Variants in BCCIP observed in about 807,000 individuals in gnomAD.
BCCIP encodes the protein BRCA2 and CDKN1A-interacting protein.
Under a neutral mutation model 32.8 loss-of-function variants are expected in BCCIP, and 23 were observed. The observed-to-expected ratio is 0.70, with a 90% confidence interval of 0.51 to 0.99. The LOEUF (loss-of-function observed/expected upper bound fraction) is 0.99. Among genes scored for constraint, BCCIP ranks in the 50% least tolerant of loss-of-function variants. BCCIP has a pLI of 0.00. For synonymous variants in BCCIP, 144 were observed against 137.6 expected, an observed-to-expected ratio of 1.05 and a Z score of -0.33; for missense variants, 378 against 379.8, an observed-to-expected ratio of 1.00 and a Z score of 0.04.
intron 3 of BCCIP, 60 bp downstream of exon 3, chr10:125,827,698 G>C: frequency 7.7e-7 from 1 of 1,296,074 alleles, no homozygotes; most frequent in Admixed American, 1.8e-5. Flanking sequence ...TTCATGCTGG[G>C]CCTCACCATG....
chr10:125,841,957 A>C (rs1414859204), exon 7 of BCCIP: 1 of 1,564,528 alleles, frequency 6.4e-7, no homozygotes, highest in Non-Finnish European at 8.6e-7. Context: ...AAAAATAATA[A>C]TTTAAGAGTC....
At chr10:125,834,834 A>AAAAC (rs1554894003) in intron 6 of BCCIP, among the ~76,000 whole-genome samples, 2,770 of 148,340 alleles carry the variant, frequency 0.019, 36 homozygotes, top group South Asian at 0.033. Flanking sequence ...ACAAACAAAA[A>AAAAC]ACACAAAAAC....
downstream of BCCIP, among the ~76,000 whole-genome samples, chr10:125,845,744 A>C (rs1313981692): frequency 2.0e-5 from 3 of 152,226 alleles, no homozygotes; most frequent in Non-Finnish European, 4.4e-5. Flanking sequence ...GGGAGCCAAG[A>C]TCCTTCTGTC....
intron 4 of BCCIP, 111 bp downstream of exon 4, chr10:125,830,762 A>T (rs1854503078): frequency 2.9e-6 from 2 of 684,260 alleles, no homozygotes; most frequent in East Asian, 5.2e-5. Flanking sequence ...AACTATAGGG[A>T]TAAGTGCTCT....
intron 6 of BCCIP, among the ~76,000 whole-genome samples, chr10:125,834,829 C>CAA (rs3034779): frequency 6.7e-6 from 1 of 149,102 alleles, no homozygotes; most frequent in Non-Finnish European, 1.5e-5. Flanking sequence ...AACAAACAAA[C>CAA]AAAAAACACA....
chr10:125,826,487 G>A lies in BCCIP; in HGVS notation c.166-104G>A, dbSNP rs1854391314. 9 of 1,519,964 alleles carry A rather than the reference G, an allele frequency of 5.9e-6. No homozygotes were observed. In the East Asian group the frequency reaches 1.9e-4, roughly 32 times the overall value. 94.2% of individuals were successfully genotyped at this position (1,519,964 alleles called of 1,614,324 possible). On this transcript the variant is annotated intron_variant, in intron 1 of 6. Coordinates refer to ENST00000278100, the MANE Select transcript of BCCIP (RefSeq NM_078468.3). ...TCACCTGAAGAAATAGTGTGAAGGT[G>A]CTTTGTATTCTTCACAGATGGCAAT...
chr10:125,852,003 G>A (rs572509920), intron 7 of BCCIP, among the ~76,000 whole-genome samples: 2 of 150,962 alleles, frequency 1.3e-5, no homozygotes, highest in East Asian at 1.9e-4. Flanking sequence ...TCACCCTTAC[G>A]CTTCCATACT....
chr10:125,836,889 G>T, downstream of BCCIP: 2 of 1,596,516 alleles, frequency 1.3e-6, no homozygotes, highest in Admixed American at 3.4e-5. Context: ...GAGATTATGA[G>T]TGGGGAAGGT....
chr10:125,850,265 A>ACCATGC (rs148995495), intron 7 of BCCIP, among the ~76,000 whole-genome samples: 2,876 of 151,386 alleles, frequency 0.019, 87 homozygotes, highest in African/African-American at 0.065. Context: ...GGTGTGAGCC[A>ACCATGC]CCATGCCCAG....
At chr10:125,835,560 C>A (rs1854653116) in intron 6 of BCCIP, among the ~76,000 whole-genome samples, 1 of 138,516 alleles carries the variant, frequency 7.2e-6, no homozygotes, top group Non-Finnish European at 1.5e-5. Flanking sequence ...GCCTGGGTGA[C>A]AGAGTGAGAC....
chr10:125,839,071 T>G, downstream of BCCIP: 1 of 1,614,228 alleles, frequency 6.2e-7, no homozygotes, highest in Non-Finnish European at 8.5e-7. Flanking sequence ...AAAAGCAGGT[T>G]CTGCATAGGG....
chr10:125,847,424 T>G (rs1296457509), downstream of BCCIP, among the ~76,000 whole-genome samples: 1 of 152,050 alleles, frequency 6.6e-6, no homozygotes, highest in African/African-American at 2.4e-5. Context: ...TATAACAGAG[T>G]GCTTCCAGAG....
At chr10:125,833,168 C>T (rs78779118) in intron 5 of BCCIP, among the ~76,000 whole-genome samples, 2,656 of 150,906 alleles carry the variant, frequency 0.018, 78 homozygotes, top group African/African-American at 0.061. Flanking sequence ...CTGAAGAGGA[C>T]GGTTGTTCTG....
rs138840348 is a variant in BCCIP, at chr10:125,823,633, G to T, written c.76G>T (p.Glu26Ter). The change falls in exon 1 of 7, where the codon GAG becomes TAG. Residue 26 changes from glutamate to a stop codon, truncating the protein, a stop_gained. Coordinates refer to ENST00000278100, the MANE Select transcript of BCCIP (RefSeq NM_078468.3). LOFTEE classifies it high-confidence loss of function. ...QPPDPPVQRDEEEEKEVENED... is the reference protein window; with the variant it reads ...QPPDPPVQRD ...GCCGGATCCCCCAGTCCAGCGCGAC[G>T]AGGAAGAGGAAAAAGAAGTCGAAAA... 1.2e-6 allele frequency: 2 copies of T among 1,614,160 alleles called. No homozygotes were observed. The highest frequency in any genetic ancestry group is 2.2e-5 in the East Asian group (1 of 44,860).
chr10:125,838,409 A>T (rs1854769735), downstream of BCCIP: 12 of 1,545,568 alleles, frequency 7.8e-6, no homozygotes, highest in Admixed American at 1.8e-4. Flanking sequence ...AATTTTAAAG[A>T]AAAAAGATTT....
chr10:125,834,017 T>C (rs368151291), intron 6 of BCCIP, 71 bp downstream of exon 6: 2 of 1,528,676 alleles, frequency 1.3e-6, no homozygotes, highest in African/African-American at 1.4e-5. Context: ...CAAGATTTAT[T>C]GTTCTCCCAC....
chr10:125,827,235 A>G (rs1014990277), intron 2 of BCCIP, among the ~76,000 whole-genome samples: 1 of 152,016 alleles, frequency 6.6e-6, no homozygotes, highest in African/African-American at 2.4e-5. Flanking sequence ...TACTCATATA[A>G]TATGACTTTG....
downstream of BCCIP, among the ~76,000 whole-genome samples, chr10:125,840,406 T>C (rs1454157537): frequency 6.6e-6 from 1 of 152,206 alleles, no homozygotes; most frequent in African/African-American, 2.4e-5. Context: ...GCCTACCTAT[T>C]CTGCACTAGT....
At chr10:125,840,759 G>T, downstream of BCCIP, 3 of 1,416,464 alleles carry the variant, frequency 2.1e-6, no homozygotes, top group East Asian at 2.4e-5. Flanking sequence ...GGCTGGCGAA[G>T]AATGTTTGAT....
Sources: allele counts gnomAD v4.1 joint callset (sites outside exome capture counted in the v4.1 genomes callset), GRCh38; gene constraint gnomAD v4.1.1; transcripts MANE v1.5; gene names NCBI Gene and HGNC (gene_info 2026-07-23, HGNC 2026-07-21).